RIMS1: variants seen among roughly 807,000 people sequenced by gnomAD.
The protein encoded by RIMS1 is regulating synaptic membrane exocytosis protein 1.
RIMS1 carries 83 observed loss-of-function variants against 214.1 expected under a neutral mutation model. That is an observed-to-expected ratio of 0.39 (90% CI 0.32 to 0.47). The LOEUF is 0.47. Ranked by LOEUF, RIMS1 falls within the 20% of genes least tolerant of loss-of-function variation. The pLI is 0.99. For synonymous variants in RIMS1, 793 were observed against 786.8 expected (o/e 1.01, Z -0.13); for missense variants, 2,050 against 2,161.8 (o/e 0.95, Z 1.03).
chr6:72,340,536 T>C (rs1307665329), intron 29 of RIMS1, among the ~76,000 whole-genome samples: 1 of 152,122 alleles, frequency 6.6e-6, no homozygotes, highest in African/African-American at 2.4e-5. Context: ...ATTTATTAAA[T>C]AGGGAATCCT....
At chr6:72,075,007 A>G (rs1831450836) in intron 2 of RIMS1, among the ~76,000 whole-genome samples, 1 of 152,152 alleles carries the variant, frequency 6.6e-6, no homozygotes, top group Non-Finnish European at 1.5e-5. Context: ...GGCTGATCTC[A>G]AATTCTTGAG....
intron 6 of RIMS1, among the ~76,000 whole-genome samples, chr6:72,227,431 TA>T (rs2060529480): frequency 2.8e-3 from 1 of 360 alleles, no homozygotes; most frequent in Non-Finnish European, 6.8e-3. Flanking sequence ...CTATGAGAGT[TA>T]GTTACCTTCT....
intron 1 of RIMS1, among the ~76,000 whole-genome samples, chr6:71,960,274 TTGGGACAAAGCCAGCAGGTGAGACTAG>T (rs1164328191): frequency 6.6e-6 from 1 of 152,122 alleles, no homozygotes; most frequent in East Asian, 1.9e-4. Context: ...ACAGCCTGGC[TTGGGACAAAGCCAGCAGGTGAGACTAG>T]TGGTTTTCAA....
Position 72,237,991 on chromosome 6 carries a change from A to G in RIMS1, c.1957+69A>G. On this transcript the variant is annotated intron_variant, in intron 9 of 33. Transcript: ENST00000521978. ...CATGAACATGAATTGGTGGTTTTCA[A>G]TTTGGGGTTAGTTTTATATATACAT... The G allele has an allele frequency of 7.4e-6, 8 of 1,087,340 alleles. 1 individual carries two copies. The South Asian group carries it at 1.2e-4, about 16-fold the overall frequency. 67.4% of individuals were successfully genotyped at this position (1,087,340 alleles called of 1,614,324 possible).
intron 2 of RIMS1, among the ~76,000 whole-genome samples, chr6:71,993,998 A>G (rs1441730855): frequency 6.6e-6 from 1 of 152,142 alleles, no homozygotes; most frequent in Non-Finnish European, 1.5e-5. Context: ...GCAGTGCTTT[A>G]TTTTCTAAAA....
In RIMS1 at chr6:72,161,688, G is replaced by T. The variant is rs1402277939; in HGVS notation, c.472-17887G>T. On this transcript the variant is annotated intron_variant, in intron 4 of 33. Transcript: ENST00000521978. ...AGGAGGTTGTTCAGTATCCATGTAG[G>T]TGAGCGGTTTTGAGTGAGTTTCTTA... Among the ~76,000 whole-genome samples, 7 of 140,274 alleles carry T rather than the reference G, an allele frequency of 5.0e-5. 1 individual carries two copies. Among genetic ancestry groups the T allele is most frequent in the South Asian group, 2.3e-4 (1 of 4,266 alleles). 92.0% of individuals were successfully genotyped at this position (140,274 alleles called of 152,430 possible).
chr6:72,168,063 T>C lies in RIMS1; in HGVS notation c.472-11512T>C, dbSNP rs117254512. Among the ~76,000 whole-genome samples, 7 of 152,282 alleles carry C rather than the reference T, an allele frequency of 4.6e-5. No individual in the cohort carries two copies. The East Asian group carries it at 1.4e-3, about 29-fold the overall frequency. On this transcript the variant is annotated intron_variant, in intron 4 of 33. Transcript: ENST00000521978. Reference sequence around the variant, plus strand: ...GAGGCAAGAACATCAATTAGGATATTGCTATTAGAGATGATGGCCCAAATA... The same window carrying C: ...GAGGCAAGAACATCAATTAGGATATCGCTATTAGAGATGATGGCCCAAATA...
chr6:72,106,329 C>T (rs1359268618), intron 4 of RIMS1, among the ~76,000 whole-genome samples: 1 of 152,112 alleles, frequency 6.6e-6, no homozygotes, highest in Non-Finnish European at 1.5e-5. Context: ...AGTGCTGTTA[C>T]AGCAAATTAC....
intron 29 of RIMS1, among the ~76,000 whole-genome samples, chr6:72,358,676 A>AT (rs1321631218): frequency 3.9e-5 from 6 of 152,220 alleles, no homozygotes; most frequent in African/African-American, 1.4e-4. Context: ...AGATTTTAAG[A>AT]TAAAAAGATG....
rs1419519213 is a variant in RIMS1, at chr6:72,183,169, C to T, written c.1678+20C>T. The T allele has an allele frequency of 1.3e-6, 2 of 1,581,910 alleles. No homozygotes were observed. The highest frequency in any genetic ancestry group is 1.2e-5 in the South Asian group (1 of 86,402). ...AGAAAGGTAAGGGGGCGGCGCCGGC[C>T]GTGCGGGGACTTCAGCCAAGTGAAG... On this transcript the variant is annotated intron_variant, in intron 6 of 33. Transcript: ENST00000521978.
At chr6:71,992,051 T>G (rs1801730285) in intron 2 of RIMS1, among the ~76,000 whole-genome samples, 1 of 150,998 alleles carries the variant, frequency 6.6e-6, no homozygotes, top group Admixed American at 6.6e-5. Flanking sequence ...GCAACAAGAG[T>G]GAAACTCCGT....
intron 2 of RIMS1, among the ~76,000 whole-genome samples, chr6:71,980,598 A>T (rs1337113408): frequency 6.6e-6 from 1 of 152,116 alleles, no homozygotes; most frequent in Non-Finnish European, 1.5e-5. Flanking sequence ...GAGACACCAA[A>T]GTATCTGAAC....
At chr6:72,201,217 A>G (rs1562563873) in intron 6 of RIMS1, among the ~76,000 whole-genome samples, 2 of 152,344 alleles carry the variant, frequency 1.3e-5, no homozygotes, top group East Asian at 3.9e-4. Flanking sequence ...AATTAACATC[A>G]GGGCTACATT....
intron 6 of RIMS1, among the ~76,000 whole-genome samples, chr6:72,188,679 T>TA (rs2049540440): frequency 6.6e-6 from 1 of 152,242 alleles, no homozygotes; most frequent in Admixed American, 6.5e-5. Context: ...TGTGGTTTTT[T>TA]ACCTGGTAGA....
At chr6:72,179,472 G>A in intron 4 of RIMS1, 103 bp from the exon 5 acceptor site, 1 of 1,022,200 alleles carries the variant, frequency 9.8e-7, no homozygotes, top group Non-Finnish European at 1.5e-6. Flanking sequence ...GGATAAATAT[G>A]AAAATGAATA....
chr6:71,937,629 C>A (rs73545380), intron 1 of RIMS1, among the ~76,000 whole-genome samples: 111 of 152,126 alleles, frequency 7.3e-4, no homozygotes, highest in African/African-American at 2.6e-3. Flanking sequence ...CAGAAGGCAT[C>A]ACATGGTGAG....
intron 1 of RIMS1, among the ~76,000 whole-genome samples, chr6:71,966,974 G>C (rs1028657427): frequency 3.3e-5 from 5 of 152,134 alleles, no homozygotes; most frequent in African/African-American, 1.2e-4. Context: ...AGCTTTGTAT[G>C]AATACCTAAG....
At chr6:72,081,250 G>A (rs1210889887) in intron 2 of RIMS1, among the ~76,000 whole-genome samples, 1 of 152,146 alleles carries the variant, frequency 6.6e-6, no homozygotes, top group Non-Finnish European at 1.5e-5. Flanking sequence ...ATAAAATAGG[G>A]TGTTGCTCAT....
chr6:72,026,475 T>C, intron 2 of RIMS1, among the ~76,000 whole-genome samples: 1 of 136,944 alleles, frequency 7.3e-6, no homozygotes, highest in Non-Finnish European at 1.6e-5. Flanking sequence ...CCAACTTTTT[T>C]TTTTCAAACT....
Sources: allele counts gnomAD v4.1 joint callset (sites outside exome capture counted in the v4.1 genomes callset), GRCh38; gene constraint gnomAD v4.1.1; transcripts MANE v1.5; gene names NCBI Gene and HGNC (gene_info 2026-07-23, HGNC 2026-07-21).